ASAP3: variants seen among roughly 807,000 people sequenced by gnomAD.
ASAP3 encodes the protein ArfGAP with SH3 domain, ankyrin repeat and PH domain 3, also known as arf-GAP with SH3 domain, ANK repeat and PH domain-containing protein 3.
A neutral mutation model predicts 118.2 loss-of-function variants in ASAP3; 85 were observed. The observed-to-expected ratio is 0.72, with a 90% confidence interval of 0.60 to 0.86. The LOEUF (loss-of-function observed/expected upper bound fraction) is 0.86. Among genes scored for constraint, ASAP3 ranks in the 40% least tolerant of loss-of-function variants. The pLI, the probability that ASAP3 is intolerant of heterozygous loss-of-function variation, is 0.00. For synonymous variants in ASAP3, 432 were observed against 477.4 expected, an observed-to-expected ratio of 0.90 and a Z score of 1.24; for missense variants, 1,026 against 1,175.0, an observed-to-expected ratio of 0.87 and a Z score of 1.85.
At chr1:23,468,557 A>G (rs568405402) in intron 1 of ASAP3, among the ~76,000 whole-genome samples, 1 of 152,250 alleles carries the variant, frequency 6.6e-6, no homozygotes, top group South Asian at 2.1e-4. Context: ...TATATGTACT[A>G]CATATTAAAC....
Position 23,484,010 on chromosome 1 carries a change from C to A in ASAP3, c.124G>T (p.Glu42Ter). The A allele has an allele frequency of 7.7e-7, 1 of 1,297,590 alleles. No individual in the cohort carries two copies. Among genetic ancestry groups the A allele is most frequent in the East Asian group, 3.1e-5 (1 of 32,098 alleles). 80.4% of individuals were successfully genotyped at this position (1,297,590 alleles called of 1,614,324 possible). A position where few individuals can be genotyped will look rare whatever the true frequency, so the allele number is the denominator to read the frequency against. The change falls in exon 1 of 25, where the codon GAG becomes TAG. Residue 42 changes from glutamate (E) to a stop codon, truncating the protein, a stop_gained. Transcript: ENST00000336689. LOFTEE classifies it high-confidence loss of function. ...PRYRGAALAREEILEGDQAIL... is the reference protein window; with the variant it reads ...PRYRGAALAR ...TCCCGCCTCGGCCCCCTCACCTCCT[C>A]CCGCGCCAGCGCCGCCCCTCGGTAC...
chr1:23,473,484 C>T (rs1642023578), intron 1 of ASAP3, among the ~76,000 whole-genome samples: 2 of 152,240 alleles, frequency 1.3e-5, no homozygotes. Flanking sequence ...CTCACTCCCT[C>T]ATCTGCCCTG....
At chr1:23,456,392 A>G (rs960963449) in intron 1 of ASAP3, among the ~76,000 whole-genome samples, 198 bp from the exon 2 acceptor site, 6 of 152,184 alleles carry the variant, frequency 3.9e-5, no homozygotes, top group African/African-American at 1.2e-4. Flanking sequence ...ACCACAGACC[A>G]GTCACACCAC....
In ASAP3 at chr1:23,448,375, T is replaced by C. The variant is rs781008726; in HGVS notation, c.473+3104A>G. ...AGCTTTCCCTGCCAGGGAGAATAAA[T>C]CTGGTAATAGATGCAAAGACCTTAC... On this transcript the variant is annotated intron_variant, in intron 5 of 24. Coordinates refer to ENST00000336689, the MANE Select transcript of ASAP3 (RefSeq NM_017707.4). 8.4e-4 allele frequency among the ~76,000 whole-genome samples: 128 copies of C among 152,278 alleles called. No homozygotes were observed. In the Middle Eastern group the frequency reaches 0.01, roughly 12 times the overall value.
chr1:23,467,199 T>C (rs1331677384), intron 1 of ASAP3, among the ~76,000 whole-genome samples: 2 of 150,474 alleles, frequency 1.3e-5, no homozygotes, highest in African/African-American at 4.9e-5. Flanking sequence ...ATTATTATTA[T>C]TATTACTATT....
At chr1:23,477,210 T>C (rs2148663557) in intron 1 of ASAP3, among the ~76,000 whole-genome samples, 1 of 150,552 alleles carries the variant, frequency 6.6e-6, no homozygotes, top group South Asian at 2.1e-4. Flanking sequence ...AGAGACAGGG[T>C]TTCGCCACGT....
chr1:23,437,426 C>T lies in ASAP3; in HGVS notation c.1149G>A (p.Glu383=). 2 of 1,614,060 alleles carry T rather than the reference C, an allele frequency of 1.2e-6. No individual in the cohort carries two copies. The highest frequency in any genetic ancestry group is 1.7e-6 in the Non-Finnish European group (2 of 1,179,966). The change falls in exon 13 of 25, where the codon GAG becomes GAA. Residue 383 remains glutamate, a splice_region_variant and synonymous_variant. Transcript: ENST00000336689. The surrounding 1 kb of genome is among the most constrained non-coding windows in gnomAD (Gnocchi z 6.1). ...HFQAEDEHEC[E]AWVSVLQNSK... Reference sequence around the variant, plus strand: ...GGGCTGGCCGAGGGGGCACTCACGCCTCACACTCGTGCTCGTCCTCTGCCT... The same window carrying T: ...GGGCTGGCCGAGGGGGCACTCACGCTTCACACTCGTGCTCGTCCTCTGCCT...
At chr1:23,468,365 C>G (rs1641843820) in intron 1 of ASAP3, among the ~76,000 whole-genome samples, 1 of 152,134 alleles carries the variant, frequency 6.6e-6, no homozygotes, top group African/African-American at 2.4e-5. Flanking sequence ...AGACACAGAA[C>G]CCTTTAAAAG....
intron 1 of ASAP3, among the ~76,000 whole-genome samples, chr1:23,478,496 C>T (rs1302030551): frequency 6.6e-6 from 1 of 151,538 alleles, no homozygotes; most frequent in Non-Finnish European, 1.5e-5. Context: ...TGCAGTGGCT[C>T]ATGCCTGTAA....
chr1:23,462,080 G>A (rs1369557859), intron 1 of ASAP3, among the ~76,000 whole-genome samples: 1 of 151,474 alleles, frequency 6.6e-6, no homozygotes, highest in African/African-American at 2.4e-5. Context: ...CTGGAGTGCA[G>A]TGGCACAATC....
rs772894513 is a variant in ASAP3 at position 23,436,565 on chromosome 1, A to C, written c.1566T>G (p.Ser522Arg). Residue 522 changes from serine (S) to arginine (R), a missense_variant, in exon 16 of 25, where the codon AGT becomes AGG. By Grantham distance (110) the Ser-to-Arg change is moderately radical (BLOSUM62 -1). Coordinates refer to ENST00000336689, the MANE Select transcript of ASAP3 (RefSeq NM_017707.4). The surrounding 1 kb of genome is among the most constrained non-coding windows in gnomAD (Gnocchi z 4.2). Reference sequence around the variant, plus strand: ...CTCTCTGAGAATCCCCTTACATGTCACTCTCAGCTGAGGGTTTAGGGCCGC... The same window carrying C: ...CTCTCTGAGAATCCCCTTACATGTCCCTCTCAGCTGAGGGTTTAGGGCCGC... Reference protein sequence around the residue: ...SHGGPKPSAESDMGTRRDYIM... With the variant: ...SHGGPKPSAERDMGTRRDYIM... 6.8e-6 allele frequency: 11 copies of C among 1,613,484 alleles called. 1 individual carries two copies. The South Asian group carries it at 1.1e-4, about 16-fold the overall frequency.
chr1:23,466,207 C>T (rs1390281237), intron 1 of ASAP3, among the ~76,000 whole-genome samples: 2 of 152,166 alleles, frequency 1.3e-5, no homozygotes, highest in Non-Finnish European at 2.9e-5. Context: ...GAAGAACAGG[C>T]CACCCCTGAA....
At chr1:23,445,293 C>T (rs529890955) in intron 5 of ASAP3, among the ~76,000 whole-genome samples, 1 of 152,236 alleles carries the variant, frequency 6.6e-6, no homozygotes, top group African/African-American at 2.4e-5. Context: ...AGTTCGAAAC[C>T]AGCTCGGGCA....
At chr1:23,435,270 C>A (rs1640596478) in intron 17 of ASAP3, among the ~76,000 whole-genome samples, 1 of 152,334 alleles carries the variant, frequency 6.6e-6, no homozygotes, top group Non-Finnish European at 1.5e-5. Flanking sequence ...CTCAAGTGAT[C>A]CTTTCACTTT....
At chr1:23,464,496 A>C (rs1641698662) in intron 1 of ASAP3, among the ~76,000 whole-genome samples, 1 of 151,458 alleles carries the variant, frequency 6.6e-6, no homozygotes, top group Non-Finnish European at 1.5e-5. Context: ...CATTACAAAA[A>C]ATTTTTTAAA....
intron 5 of ASAP3, among the ~76,000 whole-genome samples, chr1:23,445,921 G>A (rs1641033104): frequency 1.3e-5 from 2 of 152,042 alleles, no homozygotes; most frequent in Admixed American, 1.3e-4. Context: ...GTTCAAGGCT[G>A]CAGTGAGCCA....
rs775266135 is a variant in ASAP3, at chr1:23,441,197, C to T, written c.849G>A (p.Arg283=). 5 of 1,614,178 alleles carry T rather than the reference C, an allele frequency of 3.1e-6. No homozygotes were observed. Among genetic ancestry groups the T allele is most frequent in the Non-Finnish European group, 4.2e-6 (5 of 1,180,036 alleles). Residue 283 remains arginine (R), a synonymous_variant, in exon 10 of 25, where the codon CGG becomes CGA. Transcript: ENST00000336689. ...TGCTATAGCCACATCCTGAGTTCTT[C>T]CGGCTCAGGTGTTCCTGTCCCTCGG... is the stretch of plus-strand genomic sequence containing the variant. ...QLESREEHLS[R]KNSGCGYSIH...
rs1640678304 is a variant in ASAP3 at position 23,436,845 on chromosome 1, G to A, written c.1476+66C>T. ...GTCCCACCCACAACCTGCAAGCCCC[G>A]CCCCCGGATGAAACTACACCCCTAA... is the stretch of plus-strand genomic sequence containing the variant. On this transcript the variant is annotated intron_variant, in intron 15 of 24. Transcript: ENST00000336689. The surrounding 1 kb of genome is among the most constrained non-coding windows in gnomAD (Gnocchi z 4.2). The A allele has an allele frequency of 7.7e-7, 1 of 1,301,600 alleles. No homozygotes were observed. The highest frequency in any genetic ancestry group is 1.0e-6 in the Non-Finnish European group (1 of 994,488). The allele number at this position is 1,301,600 out of a possible 1,614,324, so 80.6% of individuals were successfully genotyped here. A position where few individuals can be genotyped will look rare whatever the true frequency, so the allele number is the denominator to read the frequency against.
rs1230446906 is a variant in ASAP3, at chr1:23,429,753, G to A, written c.*103C>T. ...CAGAGGCACAAGGGACAGAGAGAGT[G>A]AGATCCAAGAGAACAAATGTCTCAG... On this transcript the variant is annotated 3_prime_UTR_variant, in exon 25 of 25. Transcript: ENST00000336689. The A allele has an allele frequency of 9.4e-6, 11 of 1,170,912 alleles. No individual in the cohort carries two copies. Among genetic ancestry groups the A allele is most frequent in the African/African-American group, 1.5e-5 (1 of 65,264 alleles). 72.5% of individuals were successfully genotyped at this position (1,170,912 alleles called of 1,614,324 possible).
Sources: gnomAD v4.1 joint callset for allele counts (sites outside exome capture counted in the v4.1 genomes callset) on GRCh38, gnomAD v4.1.1 for gene constraint, Gnocchi (gnomAD v3.1) non-coding constraint, MANE v1.5 for transcripts, NCBI Gene and HGNC (gene_info 2026-07-23, HGNC 2026-07-21) for gene names.